The following POFUT3 variants were observed in gnomAD, a reference collection of about 807,000 sequenced individuals.
The protein encoded by POFUT3 is protein O-fucosyltransferase 3, also known as GDP-fucose protein O-fucosyltransferase 3.
the POFUT3 span, among the ~76,000 whole-genome samples, chr8:33,318,506 A>G: frequency 2.7e-3 from 342 of 127,490 alleles, 5 homozygotes; most frequent in Non-Finnish European, 2.0e-3. Context: ...ATTATAATAT[A>G]ATATATTATG....
At chr8:33,434,772 C>T in the POFUT3 span, among the ~76,000 whole-genome samples, 1 of 152,054 alleles carries the variant, frequency 6.6e-6, no homozygotes, top group African/African-American at 2.4e-5. Context: ...ATGTGCACCT[C>T]CACCCCTGCT....
the POFUT3 span, among the ~76,000 whole-genome samples, chr8:33,374,765 T>C: frequency 2.0e-5 from 3 of 152,242 alleles, no homozygotes; most frequent in East Asian, 5.8e-4. Flanking sequence ...AATGGCAAAA[T>C]ACCTTCAAAA....
At chr8:33,469,306 G>GA in the POFUT3 span, among the ~76,000 whole-genome samples, 2 of 151,836 alleles carry the variant, frequency 1.3e-5, no homozygotes, top group African/African-American at 2.4e-5. Context: ...ACTCTGTCTC[G>GA]AAAAAAAAGC....
At chr8:33,448,698 C>G in the POFUT3 span, among the ~76,000 whole-genome samples, 5 of 152,056 alleles carry the variant, frequency 3.3e-5, no homozygotes, top group African/African-American at 1.2e-4. Context: ...CTTTGGGAGG[C>G]TGAGGCAGGT....
chr8:33,343,336 T>A, the POFUT3 span, among the ~76,000 whole-genome samples: 1 of 152,192 alleles, frequency 6.6e-6, no homozygotes, highest in Non-Finnish European at 1.5e-5. Flanking sequence ...TTGCTCAAAG[T>A]TCTGTGCTGA....
chr8:33,442,957 G>A, the POFUT3 span, among the ~76,000 whole-genome samples: 1 of 152,044 alleles, frequency 6.6e-6, no homozygotes, highest in Admixed American at 6.6e-5. Context: ...CTAATAAAAT[G>A]CAAAAATTAG....
At chr8:33,309,187 T>C in the POFUT3 span, among the ~76,000 whole-genome samples, 1 of 113,640 alleles carries the variant, frequency 8.8e-6, no homozygotes, top group African/African-American at 3.8e-5. Context: ...TATATATATA[T>C]ATATATATAT....
the POFUT3 span, chr8:33,389,717 T>C: frequency 3.7e-6 from 6 of 1,614,166 alleles, no homozygotes; most frequent in Non-Finnish European, 4.2e-6. Context: ...ATAATTGTTT[T>C]TCGGGGACTC....
At chr8:33,437,620 G>A in the POFUT3 span, among the ~76,000 whole-genome samples, 1 of 152,194 alleles carries the variant, frequency 6.6e-6, no homozygotes, top group Non-Finnish European at 1.5e-5. Flanking sequence ...AGACCAGCCT[G>A]GCCAACAGTG....
the POFUT3 span, among the ~76,000 whole-genome samples, chr8:33,430,183 A>G: frequency 1.0e-5 from 1 of 99,420 alleles, no homozygotes; most frequent in Admixed American, 9.5e-5. Flanking sequence ...TGTCATTATT[A>G]CCCTTGAAAG....
the POFUT3 span, among the ~76,000 whole-genome samples, chr8:33,334,275 TG>T: frequency 2.6e-5 from 4 of 152,074 alleles, no homozygotes; most frequent in African/African-American, 9.7e-5. Flanking sequence ...TTGAGTACAC[TG>T]GCATGATCTT....
the POFUT3 span, among the ~76,000 whole-genome samples, chr8:33,316,766 C>A: frequency 0.43 from 64,822 of 150,110 alleles, 15,837 homozygotes; most frequent in East Asian, 0.8. Context: ...AGGAAAGGAA[C>A]AGCAAAAATT....
the POFUT3 span, chr8:33,394,181 T>C: frequency 1.3e-5 from 3 of 224,926 alleles, no homozygotes; most frequent in Non-Finnish European, 2.6e-5. Flanking sequence ...TGAGATCTTG[T>C]CTCAAAAAAA....
chr8:33,458,735 A>AAAACAG, the POFUT3 span, among the ~76,000 whole-genome samples: 3 of 151,980 alleles, frequency 2.0e-5, no homozygotes, highest in African/African-American at 7.3e-5. Context: ...AACAAAAACA[A>AAAACAG]AAACAAAAAA....
chr8:33,392,492 T>C, the POFUT3 span, among the ~76,000 whole-genome samples: 1 of 151,478 alleles, frequency 6.6e-6, no homozygotes, highest in African/African-American at 2.4e-5. Context: ...GGCAGAAGAA[T>C]TGCATGAACT....
the POFUT3 span, among the ~76,000 whole-genome samples, chr8:33,429,066 T>C: frequency 1.7e-3 from 264 of 152,288 alleles, no homozygotes; most frequent in African/African-American, 6.2e-3. Context: ...CCCCAGGCAA[T>C]ATGTTGTGTA....
chr8:33,467,506 T>A, the POFUT3 span, among the ~76,000 whole-genome samples: 2 of 152,020 alleles, frequency 1.3e-5, no homozygotes, highest in African/African-American at 4.8e-5. Flanking sequence ...AATATGTATA[T>A]TCAGACATCC....
chr8:33,390,202 TC>T, the POFUT3 span, among the ~76,000 whole-genome samples: 4 of 146,456 alleles, frequency 2.7e-5, no homozygotes, highest in Non-Finnish European at 4.4e-5. Flanking sequence ...TGTGTGTGTG[TC>T]ATACACACAC....
chr8:33,428,825 G>A, the POFUT3 span, among the ~76,000 whole-genome samples: 4 of 152,148 alleles, frequency 2.6e-5, no homozygotes, highest in African/African-American at 9.7e-5. Context: ...GAAGGACCTC[G>A]CCAAGTGATG....
Sources: allele counts gnomAD v4.1 joint callset (sites outside exome capture counted in the v4.1 genomes callset), GRCh38; gene constraint gnomAD v4.1.1; transcripts MANE v1.5; gene names NCBI Gene and HGNC (gene_info 2026-07-23, HGNC 2026-07-21).